The following ALPP variants were observed in gnomAD, a reference collection of about 807,000 sequenced individuals.
ALPP encodes the protein alkaline phosphatase, placental type.
ALPP carries 39 observed loss-of-function variants against 50.7 expected under a neutral mutation model. The observed-to-expected ratio is 0.77, with a 90% confidence interval of 0.60 to 1.00. ALPP has a LOEUF of 1.00. ALPP is among the 50% of genes least tolerant of loss of function. The pLI is 0.00. For missense variants in ALPP, 550 were observed against 746.8 expected (o/e 0.74, Z 3.07); for synonymous variants, 226 against 320.3 (o/e 0.71, Z 3.14).
In ALPP at chr2:232,379,619, G is replaced by A. The variant is rs776775006; in HGVS notation, c.416G>A (p.Arg139His). Residue 139 changes from arginine to histidine, a missense_variant, in exon 4 of 11, where the codon CGC (arginine) becomes CAC (histidine). This residue lies in a region of ALPP where 376 missense variants were observed against 388.5 expected (regional missense o/e 0.97). Coordinates refer to ENST00000392027, the MANE Select transcript of ALPP (RefSeq NM_001632.5). ...FQTIGLSAAA[R>H]FNQCNTTRGN... ...ACCATTGGCTTGAGTGCAGCCGCCC[G>A]CTTTAACCAGTGCAACACGACACGC... The A allele has an allele frequency of 2.3e-5, 37 of 1,613,794 alleles. No homozygotes were observed. Among genetic ancestry groups the A allele is most frequent in the Middle Eastern group, 1.6e-4 (1 of 6,084 alleles).
Position 232,379,326 on chromosome 2 carries a change from G to A in ALPP, c.309+11G>A, listed in dbSNP as rs1696659634. On this transcript the variant is annotated intron_variant, in intron 3 of 10. Transcript: ENST00000392027. Reference sequence around the variant, plus strand: ...GTGGCTCTGTCCAAGGTAAGTGCTGGGCTACCTTAGAGTCCTCCAAGCACA... The same window carrying A: ...GTGGCTCTGTCCAAGGTAAGTGCTGAGCTACCTTAGAGTCCTCCAAGCACA... The A allele has an allele frequency of 1.2e-6, 2 of 1,613,762 alleles. No individual in the cohort carries two copies. The highest frequency in any genetic ancestry group is 1.7e-6 in the Non-Finnish European group (2 of 1,179,830).
At chr2:232,379,467 C>A in intron 3 of ALPP, 46 bp from the exon 4 acceptor site, 1 of 1,608,768 alleles carries the variant, frequency 6.2e-7, no homozygotes. Context: ...GGGTCTGGGT[C>A]TCCGTGTCTG....
chr2:232,379,918 C>A lies in ALPP; in HGVS notation c.639C>A (p.Ile213=). The change falls in exon 5 of 11, where the codon ATC becomes ATA. Residue 213 remains isoleucine (I), a synonymous_variant. Transcript: ENST00000392027. ...GCCAGGACATCGCTACGCAGCTCATCTCCAACATGGACATTGACGTGCGAC... is the reference window on the plus strand; with the variant it reads ...GCCAGGACATCGCTACGCAGCTCATATCCAACATGGACATTGACGTGCGAC... ...EGCQDIATQL[I]SNMDIDVILG... 1 of 1,610,612 alleles carries A rather than the reference C, an allele frequency of 6.2e-7. No individual in the cohort carries two copies. The highest frequency in any genetic ancestry group is 8.5e-7 in the Non-Finnish European group (1 of 1,178,458).
Position 232,381,878 on chromosome 2 carries a change from C to T in ALPP, c.*83C>T. The T allele has an allele frequency of 1.3e-6, 2 of 1,488,978 alleles. No homozygotes were observed. The highest frequency in any genetic ancestry group is 2.7e-5 in the South Asian group (2 of 74,620). The allele number at this position is 1,488,978 out of a possible 1,614,324, so 92.2% of individuals were successfully genotyped here. A position where few individuals can be genotyped will look rare whatever the true frequency, so the allele number is the denominator to read the frequency against. ...CCTGTCGTCCTGCCTGGCCTCCAGC[C>T]CGAGTCGTCATCCCCGGAGTCCCTA... On this transcript the variant is annotated 3_prime_UTR_variant, in exon 11 of 11. Coordinates refer to ENST00000392027, the MANE Select transcript of ALPP (RefSeq NM_001632.5).
At position 232,379,946 on chromosome 2, in the gene ALPP, C is replaced by A; in HGVS notation, c.657+10C>A. 6.3e-7 allele frequency: 1 copy of A among 1,598,672 alleles called. No homozygotes were observed. The highest frequency in any genetic ancestry group is 8.5e-7 in the Non-Finnish European group (1 of 1,172,236). On this transcript the variant is annotated intron_variant, in intron 5 of 10. Coordinates refer to ENST00000392027, the MANE Select transcript of ALPP (RefSeq NM_001632.5). ...CAACATGGACATTGACGTGCGACCC[C>A]CAGGCCAAGGGCTGGGGCTGGGCAG...
rs1381543219 is a variant in ALPP, at chr2:232,379,059, C to T, written c.165C>T (p.Ala55=). 2 of 1,614,106 alleles carry T rather than the reference C, an allele frequency of 1.2e-6. No homozygotes were observed. Among genetic ancestry groups the T allele is most frequent in the Admixed American group, 1.7e-5 (1 of 60,016 alleles). The change falls in exon 2 of 11, where the codon GCC becomes GCT. Residue 55 remains alanine, a synonymous_variant. Transcript: ENST00000392027. The part of the protein sequence containing the change: ...AKKLQPAQTA[A]KNLIIFLGDG... Reference sequence around the variant, plus strand: ...AGCTGCAGCCTGCACAGACAGCCGCCAAGAACCTCATCATCTTCCTGGGCG... The same window carrying T: ...AGCTGCAGCCTGCACAGACAGCCGCTAAGAACCTCATCATCTTCCTGGGCG...
rs1049051 is a variant in ALPP, at chr2:232,382,143, C to G, written c.*348C>G. ...CTGGGGAAAAGAAGCACCCAGACCC[C>G]GCGCCCCGCTGATCTTTGCTTCAGT... On this transcript the variant is annotated 3_prime_UTR_variant, in exon 11 of 11. Transcript: ENST00000392027. 2.4e-6 allele frequency: 1 copy of G among 408,520 alleles called. No homozygotes were observed. The highest frequency in any genetic ancestry group is 4.4e-6 in the Non-Finnish European group (1 of 228,102). The allele number at this position is 408,520 out of a possible 1,614,324, so 25.3% of individuals were successfully genotyped here. A position where few individuals can be genotyped will look rare whatever the true frequency, so the allele number is the denominator to read the frequency against.
In ALPP at chr2:232,378,832, G is replaced by C. The variant is rs781451782; in HGVS notation, c.30G>C (p.Leu10=). 34 of 1,613,954 alleles carry C rather than the reference G, an allele frequency of 2.1e-5. No homozygotes were observed. The highest frequency in any genetic ancestry group is 2.8e-5 in the Non-Finnish European group (33 of 1,180,016). Residue 10 remains leucine, a synonymous_variant, in exon 1 of 11, where the codon CTG becomes CTC. Transcript: ENST00000392027. MLGPCMLLL[L]LLLGLRLQLS... is the part of the protein sequence containing the mutation. The stretch of plus-strand genomic sequence containing the variant: ...TGGGGCCCTGCATGCTGCTGCTGCT[G>C]CTGCTGCTGGGCCTGAGGCTACAGC...
Position 232,379,663 on chromosome 2 carries a change from G to A in ALPP, c.460G>A (p.Val154Met). 1.9e-6 allele frequency: 3 copies of A among 1,613,950 alleles called. No homozygotes were observed. Among genetic ancestry groups the A allele is most frequent in the East Asian group, 2.2e-5 (1 of 44,872 alleles). Residue 154 changes from valine to methionine, a missense_variant, in exon 4 of 11, where the codon GTG becomes ATG. Transcript: ENST00000392027. ...GACACGCGGCAACGAGGTCATCTCC[G>A]TGATGAATCGGGCCAAGAAAGCAGG... Reference protein sequence around the residue: ...NTTRGNEVISVMNRAKKAGKS... With the variant: ...NTTRGNEVISMMNRAKKAGKS...
In ALPP at chr2:232,379,618, C is replaced by T. The variant is rs374101037; in HGVS notation, c.415C>T (p.Arg139Cys). ...FQTIGLSAAARFNQCNTTRGN... is the reference protein window; with the variant it reads ...FQTIGLSAAACFNQCNTTRGN... Reference sequence around the variant, plus strand: ...GACCATTGGCTTGAGTGCAGCCGCCCGCTTTAACCAGTGCAACACGACACG... The same window carrying T: ...GACCATTGGCTTGAGTGCAGCCGCCTGCTTTAACCAGTGCAACACGACACG... The change falls in exon 4 of 11, where the codon CGC (arginine) becomes TGC (cysteine). Residue 139 changes from arginine to cysteine, a missense_variant. This residue lies in a region of ALPP where 376 missense variants were observed against 388.5 expected (regional missense o/e 0.97). Coordinates refer to ENST00000392027, the MANE Select transcript of ALPP (RefSeq NM_001632.5). The T allele has an allele frequency of 4.4e-5, 71 of 1,613,936 alleles. No individual in the cohort carries two copies. The African/African-American group carries it at 6.9e-4, about 16-fold the overall frequency.
Position 232,379,571 on chromosome 2 carries a change from G to A in ALPP, c.368G>A (p.Cys123Tyr), listed in dbSNP as rs1396125705. ...DSGATATAYLCGVKGNFQTIG... is the reference protein window; with the variant it reads ...DSGATATAYLYGVKGNFQTIG... ...GGAGCCACAGCCACGGCCTACCTGTGCGGGGTCAAGGGCAACTTCCAGACC... is the reference window on the plus strand; with the variant it reads ...GGAGCCACAGCCACGGCCTACCTGTACGGGGTCAAGGGCAACTTCCAGACC... The change falls in exon 4 of 11, where the codon TGC becomes TAC. Residue 123 changes from cysteine (C) to tyrosine (Y), a missense_variant. Physicochemically the swap from Cys to Tyr is radical, Grantham distance 194. This residue lies in a region of ALPP where 376 missense variants were observed against 388.5 expected (regional missense o/e 0.97). Coordinates refer to ENST00000392027, the MANE Select transcript of ALPP (RefSeq NM_001632.5). 6.2e-7 allele frequency: 1 copy of A among 1,614,156 alleles called. No individual in the cohort carries two copies. Among genetic ancestry groups the A allele is most frequent in the East Asian group, 2.2e-5 (1 of 44,880 alleles).
chr2:232,381,440 C>T (rs1443540976), intron 10 of ALPP, 57 bp from the exon 11 acceptor site: 11 of 1,612,264 alleles, frequency 6.8e-6, no homozygotes, highest in Admixed American at 1.7e-5. Flanking sequence ...AAGGGGTCAC[C>T]TCCTGTCTGC....
At chr2:232,381,117 G>A in intron 9 of ALPP, 86 bp downstream of exon 9, 2 of 1,554,760 alleles carry the variant, frequency 1.3e-6, no homozygotes, top group Non-Finnish European at 1.7e-6. Context: ...TCAAATGGGA[G>A]TAATGCTGGC....
rs1208661604 is a variant in ALPP at position 232,381,682 on chromosome 2, G to A, written c.1495G>A (p.Ala499Thr). The A allele has an allele frequency of 1.9e-6, 3 of 1,608,776 alleles. No homozygotes were observed. Among genetic ancestry groups the A allele is most frequent in the Admixed American group, 1.7e-5 (1 of 59,800 alleles). The change falls in exon 11 of 11, where the codon GCG becomes ACG. Residue 499 changes from alanine to threonine, a missense_variant. By Grantham distance (58) the Ala-to-Thr change is moderately conservative. Transcript: ENST00000392027. ...GGAGCCCTACACCGCCTGCGACCTG[G>A]CGCCCCCCGCCGGCACCACCGACGC... ...CLEPYTACDLAPPAGTTDAAH... is the reference protein window; with the variant it reads ...CLEPYTACDLTPPAGTTDAAH...
Position 232,381,754 on chromosome 2 carries a change from G to T in ALPP, c.1567G>T (p.Ala523Ser), listed in dbSNP as rs1293106562. 6.3e-6 allele frequency: 10 copies of T among 1,593,648 alleles called. No individual in the cohort carries two copies. The highest frequency in any genetic ancestry group is 1.3e-5 in the African/African-American group (1 of 74,570). Reference sequence around the variant, plus strand: ...GGTCCCCGCGTTGCTTCCTCTGCTGGCCGGGACCCTGCTGCTGCTGGAGAC... The same window carrying T: ...GGTCCCCGCGTTGCTTCCTCTGCTGTCCGGGACCCTGCTGCTGCTGGAGAC... ...SVVPALLPLL[A>S]GTLLLLETAT... Residue 523 changes from alanine to serine, a missense_variant, in exon 11 of 11, where the codon GCC (alanine) becomes TCC (serine). Transcript: ENST00000392027.
chr2:232,379,457 G>A (rs1233085641), intron 3 of ALPP, 56 bp from the exon 4 acceptor site: 3 of 1,607,742 alleles, frequency 1.9e-6, no homozygotes, highest in Non-Finnish European at 2.5e-6. Context: ...ACAGAGATCA[G>A]GGTCTGGGTC....
Position 232,381,951 on chromosome 2 carries a change from A to AGTCCC in ALPP, c.*156_*157insGTCCC. The AGTCCC allele has an allele frequency of 8.0e-7, 1 of 1,247,662 alleles. No homozygotes were observed. Among genetic ancestry groups the AGTCCC allele is most frequent in the Non-Finnish European group, 1.1e-6 (1 of 926,298 alleles). The allele number at this position is 1,247,662 out of a possible 1,614,324, so 77.3% of individuals were successfully genotyped here. A position where few individuals can be genotyped will look rare whatever the true frequency, so the allele number is the denominator to read the frequency against. On this transcript the variant is annotated 3_prime_UTR_variant, in exon 11 of 11. Transcript: ENST00000392027. ...CTTCCCCTCCCCGTGCGCTCTGGGG[A>AGTCCC]CTGAGCCCATGACACCAAACCTGCC... is the stretch of plus-strand genomic sequence containing the variant.
At position 232,382,598 on chromosome 2, in the gene ALPP, A is replaced by G. The variant is rs1386733610; in HGVS notation, c.*803A>G. The G allele has an allele frequency of 2.6e-5, 4 of 152,250 alleles. No individual in the cohort carries two copies. Among genetic ancestry groups the G allele is most frequent in the African/African-American group, 9.7e-5 (4 of 41,422 alleles). The allele number at this position is 152,250 out of a possible 1,614,324, so 9.4% of individuals were successfully genotyped here. A position where few individuals can be genotyped will look rare whatever the true frequency, so the allele number is the denominator to read the frequency against. The stretch of plus-strand genomic sequence containing the variant: ...TGGGAGACAAAGCAATAATAAAAGG[A>G]AGTGTTTGTAATCCCAGCACTTTGG... On this transcript the variant is annotated 3_prime_UTR_variant, in exon 11 of 11. Coordinates refer to ENST00000392027, the MANE Select transcript of ALPP (RefSeq NM_001632.5).
Position 232,379,200 on chromosome 2 carries a change from G to A in ALPP, c.194G>A (p.Gly65Glu), listed in dbSNP as rs763189992. Reference sequence around the variant, plus strand: ...GCCTCACACATTTCTGTTCCTTCAGGGATGGGGGTGTCTACGGTGACAGCT... The same window carrying A: ...GCCTCACACATTTCTGTTCCTTCAGAGATGGGGGTGTCTACGGTGACAGCT... ...AKNLIIFLGD[G>E]MGVSTVTAAR... The change falls in exon 3 of 11, where the codon GGG (glycine) becomes GAG (glutamate). Residue 65 changes from glycine (G) to glutamate (E), a missense_variant and splice_region_variant. Gly to Glu is a moderately conservative substitution (Grantham distance 98). Transcript: ENST00000392027. The A allele has an allele frequency of 1.2e-5, 20 of 1,614,004 alleles. No homozygotes were observed. The highest frequency in any genetic ancestry group is 1.7e-5 in the Non-Finnish European group (20 of 1,180,032).
Sources: allele counts gnomAD v4.1 joint callset, GRCh38; gene constraint gnomAD v4.1.1; regional missense constraint gnomAD v4.1.1; transcripts MANE v1.5; gene names NCBI Gene and HGNC (gene_info 2026-07-23, HGNC 2026-07-21).